The following LRRC4C variants were observed in gnomAD, a reference collection of about 807,000 sequenced individuals.
LRRC4C encodes the protein leucine rich repeat containing 4C, also known as leucine-rich repeat-containing protein 4C.
A neutral mutation model predicts 33.6 loss-of-function variants in LRRC4C; 5 were observed. The ratio of observed to expected loss-of-function variants is 0.15; its 90% CI spans 0.08 to 0.31. The LOEUF is 0.31. LRRC4C is among the 10% of genes least tolerant of loss of function. LRRC4C has a pLI of 1.00. For missense variants in LRRC4C, 560 were observed against 796.7 expected (o/e 0.70, Z 3.58); for synonymous variants, 329 against 302.0 (o/e 1.09, Z -0.93).
intron 2 of LRRC4C, among the ~76,000 whole-genome samples, chr11:40,698,564 G>A (rs1030329551): frequency 6.6e-6 from 1 of 151,990 alleles, no homozygotes; most frequent in Non-Finnish European, 1.5e-5. Context: ...AAGAGAAAAA[G>A]AAGAGAATGG....
intron 4 of LRRC4C, among the ~76,000 whole-genome samples, chr11:40,313,782 T>TG: frequency 6.6e-6 from 1 of 151,052 alleles, no homozygotes; most frequent in East Asian, 2.0e-4. Context: ...TATTTTTTTT[T>TG]ATTTTTAATT....
At chr11:40,553,006 C>T (rs1002810490) in intron 3 of LRRC4C, among the ~76,000 whole-genome samples, 3 of 152,104 alleles carry the variant, frequency 2.0e-5, no homozygotes, top group African/African-American at 7.2e-5. Context: ...TGCGGTAACT[C>T]ATGTATGTAA....
intron 2 of LRRC4C, among the ~76,000 whole-genome samples, chr11:40,747,562 T>C (rs1948489205): frequency 6.6e-6 from 1 of 151,878 alleles, no homozygotes; most frequent in Admixed American, 6.6e-5. Context: ...CAGAGCACAA[T>C]AAAAAATAAA....
intron 3 of LRRC4C, among the ~76,000 whole-genome samples, chr11:40,376,610 T>C (rs1948669569): frequency 1.3e-5 from 2 of 152,178 alleles, no homozygotes; most frequent in African/African-American, 4.8e-5. Flanking sequence ...GTTTGGCATA[T>C]ATGAACTTGA....
intron 5 of LRRC4C, among the ~76,000 whole-genome samples, chr11:40,217,960 A>T (rs887909454): frequency 5.3e-5 from 8 of 152,178 alleles, no homozygotes; most frequent in Non-Finnish European, 1.0e-4. Context: ...ATATCCCTGC[A>T]AAGCAATCAG....
rs765252333 is a variant in LRRC4C at position 40,898,353 on chromosome 11, C to CAAAAAAAAAAAAAAAAA, written c.-407+35265_-407+35281dup. Among the ~76,000 whole-genome samples the CAAAAAAAAAAAAAAAAA allele has an allele frequency of 4.3e-3, 166 of 38,312 alleles. 21 individuals are homozygous for CAAAAAAAAAAAAAAAAA. The highest frequency in any genetic ancestry group is 0.016 in the African/African-American group (155 of 9,558). The allele number at this position is 38,312 out of a possible 152,430, so 25.1% of individuals were successfully genotyped here. On this transcript the variant is annotated intron_variant, in intron 2 of 6. Transcript: ENST00000528697. ...GGGCAACAAGAGTGAAACTCCATCT[C>CAAAAAAAAAAAAAAAAA]AAAAAAAAAAAAAAAAAAAGAAAAA...
At chr11:40,447,413 C>T (rs1349607294) in intron 3 of LRRC4C, among the ~76,000 whole-genome samples, 1 of 152,126 alleles carries the variant, frequency 6.6e-6, no homozygotes, top group Admixed American at 6.6e-5. Flanking sequence ...AACATGTTTG[C>T]TCGTCTTCAG....
rs1211396872 is a variant in LRRC4C, at chr11:40,371,992, A to T, written c.-269-52271T>A. ...GAATCATGTCTGTAAATGTAAACAT[A>T]TATATTCAAAGAACTATGATTGTGG... On this transcript the variant is annotated intron_variant, in intron 3 of 6. Coordinates refer to ENST00000528697, the MANE Select transcript of LRRC4C (RefSeq NM_001258419.2). Among the ~76,000 whole-genome samples, 3 of 152,364 alleles carry T rather than the reference A, an allele frequency of 2.0e-5. No homozygotes were observed. The East Asian group carries it at 5.8e-4, about 29-fold the overall frequency.
At chr11:40,738,257 C>T (rs1947984710) in intron 2 of LRRC4C, among the ~76,000 whole-genome samples, 2 of 152,124 alleles carry the variant, frequency 1.3e-5, no homozygotes, top group South Asian at 4.1e-4. Context: ...AGACCTAGCT[C>T]CTCTTTTTCT....
chr11:40,490,366 A>G (rs1436975207), intron 3 of LRRC4C, among the ~76,000 whole-genome samples: 1 of 152,120 alleles, frequency 6.6e-6, no homozygotes, highest in Non-Finnish European at 1.5e-5. Flanking sequence ...ACATGACACA[A>G]TGTCAAGCTG....
chr11:40,210,123 C>A (rs1467533631), intron 5 of LRRC4C, among the ~76,000 whole-genome samples: 2 of 151,742 alleles, frequency 1.3e-5, no homozygotes, highest in African/African-American at 2.4e-5. Context: ...TATAAAGATT[C>A]CATTATGTAG....
intron 2 of LRRC4C, among the ~76,000 whole-genome samples, chr11:40,869,767 A>C (rs963513177): frequency 3.9e-5 from 6 of 152,030 alleles, no homozygotes; most frequent in African/African-American, 1.2e-4. Flanking sequence ...GACGTATAAA[A>C]CCCCAAGTCA....
At chr11:40,304,676 G>A (rs1022692102) in intron 4 of LRRC4C, among the ~76,000 whole-genome samples, 4 of 151,552 alleles carry the variant, frequency 2.6e-5, no homozygotes, top group African/African-American at 9.7e-5. Context: ...ACCTTGTATT[G>A]ACTTATAAAA....
At chr11:40,888,171 ACATG>A in intron 2 of LRRC4C, among the ~76,000 whole-genome samples, 1 of 151,944 alleles carries the variant, frequency 6.6e-6, no homozygotes, top group African/African-American at 2.4e-5. Context: ...CATTGTAAGT[ACATG>A]AGTTCTTGTT....
rs551922551 is a variant in LRRC4C, at chr11:40,346,556, G to A, written c.-269-26835C>T. ...AGACACCGAGGCCTATCAGAGGCTG[G>A]AAGGTAGGAGGAGGGAGAGGATCAG... On this transcript the variant is annotated intron_variant, in intron 3 of 6. Coordinates refer to ENST00000528697, the MANE Select transcript of LRRC4C (RefSeq NM_001258419.2). Among the ~76,000 whole-genome samples, 7 of 152,294 alleles carry A rather than the reference G, an allele frequency of 4.6e-5. No individual in the cohort carries two copies. In the South Asian group the frequency reaches 1.5e-3, roughly 32 times the overall value.
chr11:40,816,360 A>G (rs77698819), intron 2 of LRRC4C, among the ~76,000 whole-genome samples: 16,964 of 152,248 alleles, frequency 0.11, 995 homozygotes, highest in South Asian at 0.16. Flanking sequence ...GAAGGTACCC[A>G]TGAGTAAATG....
At chr11:40,425,216 C>A (rs545545092) in intron 3 of LRRC4C, among the ~76,000 whole-genome samples, 6 of 152,054 alleles carry the variant, frequency 3.9e-5, no homozygotes, top group South Asian at 2.1e-4. Flanking sequence ...CTAGTAAAAT[C>A]CAATCATTTC....
chr11:41,042,986 C>G (rs959743001), intron 1 of LRRC4C, among the ~76,000 whole-genome samples: 2 of 135,516 alleles, frequency 1.5e-5, no homozygotes, highest in Non-Finnish European at 3.1e-5. Context: ...CAATGAACTA[C>G]TGCCACCTGT....
intron 5 of LRRC4C, among the ~76,000 whole-genome samples, chr11:40,183,638 A>T (rs576530582): frequency 6.6e-6 from 1 of 152,260 alleles, no homozygotes; most frequent in Non-Finnish European, 1.5e-5. Flanking sequence ...TATAAAACCA[A>T]TCAGAAACTC....
Sources: gnomAD v4.1 joint callset for allele counts (sites outside exome capture counted in the v4.1 genomes callset) on GRCh38, gnomAD v4.1.1 for gene constraint, MANE v1.5 for transcripts, NCBI Gene and HGNC (gene_info 2026-07-23, HGNC 2026-07-21) for gene names.